EPHA3: variants seen among roughly 807,000 people sequenced by gnomAD.
EPHA3 encodes ephrin type-A receptor 3.
EPHA3 carries 42 observed loss-of-function variants against 107.1 expected under a neutral mutation model. That is an observed-to-expected ratio of 0.39 (90% CI 0.31 to 0.51). The LOEUF (loss-of-function observed/expected upper bound fraction) is 0.51, where lower values mean the gene tolerates loss of function less well. Ranked by LOEUF, EPHA3 falls within the 20% of genes least tolerant of loss-of-function variation. The pLI is 0.78. For missense variants in EPHA3, 1,183 were observed against 1,211.2 expected (o/e 0.98, Z 0.35); for synonymous variants, 461 against 424.8 (o/e 1.09, Z -1.05).
At chr3:89,196,026 C>A (rs1278563253) in intron 2 of EPHA3, among the ~76,000 whole-genome samples, 7 of 152,052 alleles carry the variant, frequency 4.6e-5, no homozygotes, top group Non-Finnish European at 1.0e-4. Context: ...CAACCCTTCC[C>A]CTTCCTCCTT....
intron 13 of EPHA3, among the ~76,000 whole-genome samples, chr3:89,441,660 C>T (rs111665839): frequency 0.026 from 3,901 of 152,186 alleles, 100 homozygotes; most frequent in Admixed American, 0.054. Flanking sequence ...AAATAACACT[C>T]ATGCAATATG....
At chr3:89,424,178 A>T (rs1006533868) in intron 11 of EPHA3, among the ~76,000 whole-genome samples, 1 of 151,456 alleles carries the variant, frequency 6.6e-6, no homozygotes, top group Non-Finnish European at 1.5e-5. Context: ...CTGAAAGTGT[A>T]TCAAAAAAGA....
At chr3:89,349,579 G>C (rs1707755446) in intron 5 of EPHA3, among the ~76,000 whole-genome samples, 2 of 145,810 alleles carry the variant, frequency 1.4e-5, no homozygotes, top group African/African-American at 2.5e-5. Flanking sequence ...CAATTTGCCA[G>C]TCTGTGTCTT....
At chr3:89,454,821 C>T (rs1450281145) in intron 15 of EPHA3, among the ~76,000 whole-genome samples, 4 of 152,008 alleles carry the variant, frequency 2.6e-5, no homozygotes, top group East Asian at 3.9e-4. Context: ...GCAAGACCCC[C>T]ATCCCTACAA....
At chr3:89,129,602 G>GTTTT (rs11378105) in intron 2 of EPHA3, among the ~76,000 whole-genome samples, 1,672 of 134,358 alleles carry the variant, frequency 0.012, 41 homozygotes, top group African/African-American at 0.033. Flanking sequence ...ACATTAGATT[G>GTTTT]TTTTTTTTTT....
rs114728430 is a variant in EPHA3 at position 89,176,044 on chromosome 3, A to G, written c.154-33816A>G. Among the ~76,000 whole-genome samples, 1,513 of 152,294 alleles carry G rather than the reference A, an allele frequency of 9.9e-3. 12 individuals carry two copies. Among genetic ancestry groups the G allele is most frequent in the East Asian group, 0.027 (138 of 5,182 alleles). ...GTGAGATATTTTGTAATACTTTAAT[A>G]TAGAATCTGAAGTTTCTTTTAGCAT... On this transcript the variant is annotated intron_variant, in intron 2 of 16. Coordinates refer to ENST00000336596, the MANE Select transcript of EPHA3 (RefSeq NM_005233.6).
At chr3:89,232,306 G>A (rs1704656888) in intron 3 of EPHA3, among the ~76,000 whole-genome samples, 1 of 152,134 alleles carries the variant, frequency 6.6e-6, no homozygotes, top group Non-Finnish European at 1.5e-5. Context: ...TGGCCAGGCT[G>A]ATAGATTAGA....
chr3:89,291,032 C>T (rs962286133), intron 3 of EPHA3, among the ~76,000 whole-genome samples: 1 of 152,082 alleles, frequency 6.6e-6, no homozygotes, highest in Non-Finnish European at 1.5e-5. Flanking sequence ...GGATTGGTGC[C>T]ATTTTTCTTT....
chr3:89,416,467 C>CT (rs1357752525), intron 10 of EPHA3, among the ~76,000 whole-genome samples: 1 of 151,058 alleles, frequency 6.6e-6, no homozygotes, highest in African/African-American at 2.4e-5. Flanking sequence ...TATTTTTAAT[C>CT]TTTTTCTATT....
intron 3 of EPHA3, among the ~76,000 whole-genome samples, chr3:89,333,626 A>C (rs13076853): frequency 0.53 from 80,469 of 152,058 alleles, 22,925 homozygotes; most frequent in African/African-American, 0.75. Context: ...GTAATCCCAG[A>C]AGTTTGGGAG....
intron 13 of EPHA3, among the ~76,000 whole-genome samples, chr3:89,434,203 ATTATTTAT>A (rs550736069): frequency 3.3e-5 from 5 of 151,962 alleles, no homozygotes; most frequent in Admixed American, 2.6e-4. Flanking sequence ...GCCATATTAA[ATTATTTAT>A]TTATTTATTT....
chr3:89,427,995 A>G (rs1479025001), intron 11 of EPHA3, among the ~76,000 whole-genome samples: 1 of 151,938 alleles, frequency 6.6e-6, no homozygotes, highest in Non-Finnish European at 1.5e-5. Context: ...TTTGTATAAT[A>G]TTACGCTGTA....
chr3:89,251,772 A>G (rs1296817236), intron 3 of EPHA3, among the ~76,000 whole-genome samples: 1 of 151,952 alleles, frequency 6.6e-6, no homozygotes, highest in Admixed American at 6.6e-5. Context: ...TACTCCTAGG[A>G]TGTGTTCCAA....
intron 13 of EPHA3, among the ~76,000 whole-genome samples, chr3:89,433,572 T>C (rs1350993953): frequency 1.3e-5 from 2 of 152,204 alleles, no homozygotes; most frequent in Non-Finnish European, 2.9e-5. Flanking sequence ...ATATACTCTG[T>C]AGTGCATTTA....
At chr3:89,384,616 A>G (rs375164246) in intron 5 of EPHA3, among the ~76,000 whole-genome samples, 5 of 152,226 alleles carry the variant, frequency 3.3e-5, no homozygotes, top group Admixed American at 2.6e-4. Flanking sequence ...AATTAAATGC[A>G]TATCTGTCTA....
At chr3:89,186,666 C>T (rs577403429) in intron 2 of EPHA3, among the ~76,000 whole-genome samples, 3 of 152,182 alleles carry the variant, frequency 2.0e-5, no homozygotes, top group South Asian at 2.1e-4. Flanking sequence ...TGGACAAGTG[C>T]CATGTTGAAT....
intron 2 of EPHA3, among the ~76,000 whole-genome samples, chr3:89,130,347 A>G (rs946649218): frequency 5.3e-5 from 8 of 152,310 alleles, no homozygotes; most frequent in Middle Eastern, 3.4e-3. Context: ...TCTAACTTCC[A>G]ATCATATTCT....
chr3:89,198,065 A>G (rs1705888736), intron 2 of EPHA3, among the ~76,000 whole-genome samples: 1 of 152,260 alleles, frequency 6.6e-6, no homozygotes, highest in Admixed American at 6.5e-5. Flanking sequence ...TCAAAAGAGT[A>G]AAACAGACTT....
At chr3:89,441,905 T>C (rs1326438664) in intron 13 of EPHA3, among the ~76,000 whole-genome samples, 1 of 152,196 alleles carries the variant, frequency 6.6e-6, no homozygotes, top group African/African-American at 2.4e-5. Context: ...CTTCTTCTTT[T>C]AACCATATTT....
Sources: allele counts gnomAD v4.1 joint callset (sites outside exome capture counted in the v4.1 genomes callset), GRCh38; gene constraint gnomAD v4.1.1; transcripts MANE v1.5; gene names NCBI Gene and HGNC (gene_info 2026-07-23, HGNC 2026-07-21).